The following CCDC69 variants were observed in gnomAD, a reference collection of about 807,000 sequenced individuals.
The protein encoded by CCDC69 is coiled-coil domain-containing protein 69.
In CCDC69, 38 loss-of-function variants were observed where a neutral mutation model predicts 40.3. The observed-to-expected ratio is 0.94, with a 90% CI of 0.73 to 1.24. CCDC69 has a LOEUF of 1.24. Ranked by LOEUF, CCDC69 falls within the 50% of genes most tolerant of loss-of-function variation. The pLI is 0.00. For missense variants in CCDC69, 389 were observed against 357.9 expected (o/e 1.09, Z -0.70); for synonymous variants, 141 against 138.9 (o/e 1.02, Z -0.11).
intron 6 of CCDC69, 75 bp from the exon 7 acceptor site, chr5:151,185,616 T>A (rs1752496594): frequency 6.6e-7 from 1 of 1,515,322 alleles, no homozygotes; most frequent in South Asian, 1.2e-5. Flanking sequence ...CAACTCATTG[T>A]TGGACTTTCA....
intron 2 of CCDC69, among the ~76,000 whole-genome samples, chr5:151,205,004 C>G (rs1752833146): frequency 7.1e-6 from 1 of 141,028 alleles, no homozygotes; most frequent in African/African-American, 2.6e-5. Flanking sequence ...AACTCTTGCT[C>G]CCATCCCTCC....
chr5:151,184,693 GAAGA>G (rs1243637896), intron 7 of CCDC69: 11 of 395,874 alleles, frequency 2.8e-5, no homozygotes. Flanking sequence ...TGAGTTCATG[GAAGA>G]AAGAATATGT....
intron 4 of CCDC69, among the ~76,000 whole-genome samples, chr5:151,193,972 A>C (rs1257844377): frequency 6.6e-6 from 1 of 152,240 alleles, no homozygotes; most frequent in Admixed American, 6.5e-5. Context: ...GCAAATAAGC[A>C]CATGAGTTGT....
At position 151,201,511 on chromosome 5, in the gene CCDC69, G is replaced by C. The variant is rs1364033731; in HGVS notation, c.231+71C>G. 7.3e-6 allele frequency: 7 copies of C among 961,412 alleles called. No homozygotes were observed. The South Asian group carries it at 1.0e-4, about 14-fold the overall frequency. 59.6% of individuals were successfully genotyped at this position (961,412 alleles called of 1,614,324 possible). On this transcript the variant is annotated intron_variant, in intron 3 of 8. Coordinates refer to ENST00000355417, the MANE Select transcript of CCDC69 (RefSeq NM_015621.3). The stretch of plus-strand genomic sequence containing the variant: ...CAACAGCAACAAAAACCTAAGGTAG[G>C]CACTCACTCTGGGATTCACCAAAGT...
In CCDC69 at chr5:151,211,518, CT is replaced by C. The variant is rs774546814; in HGVS notation, c.49-6044del. ...TATGTGTGCTGGGAATTTGCATCTGCTTTTTTTTTTTTTTTTTTTTTTGAGA... is the reference window on the plus strand; with the variant it reads ...TATGTGTGCTGGGAATTTGCATCTGCTTTTTTTTTTTTTTTTTTTTTGAGA... On this transcript the variant is annotated intron_variant, in intron 1 of 8. Coordinates refer to ENST00000355417, the MANE Select transcript of CCDC69 (RefSeq NM_015621.3). Among the ~76,000 whole-genome samples the C allele has an allele frequency of 9.6e-3, 1,041 of 108,708 alleles. 2 individuals carry two copies. Among genetic ancestry groups the C allele is most frequent in the Non-Finnish European group, 0.014 (772 of 55,386 alleles). The allele number at this position is 108,708 out of a possible 152,430, so 71.3% of individuals were successfully genotyped here. A position where few individuals can be genotyped will look rare whatever the true frequency, so the allele number is the denominator to read the frequency against.
At chr5:151,189,182 G>A (rs923708675) in intron 4 of CCDC69, among the ~76,000 whole-genome samples, 7 of 152,166 alleles carry the variant, frequency 4.6e-5, no homozygotes, top group African/African-American at 1.4e-4. Flanking sequence ...AGAAGTATGG[G>A]TGTTCTGTCA....
At position 151,184,583 on chromosome 5, in the gene CCDC69, T is replaced by A. The variant is rs1255228123; in HGVS notation, c.616-142A>T. The A allele has an allele frequency of 5.4e-6, 3 of 556,568 alleles. No homozygotes were observed. In the African/African-American group the frequency reaches 5.7e-5, roughly 10 times the overall value. 34.5% of individuals were successfully genotyped at this position (556,568 alleles called of 1,614,324 possible). On this transcript the variant is annotated intron_variant, in intron 7 of 8. Coordinates refer to ENST00000355417, the MANE Select transcript of CCDC69 (RefSeq NM_015621.3). Reference sequence around the variant, plus strand: ...ACATTTCATGGAGCAATAAGGTAACTTAGAAAAAAGTAAAACTAAAAAGTT... The same window carrying A: ...ACATTTCATGGAGCAATAAGGTAACATAGAAAAAAGTAAAACTAAAAAGTT...
Position 151,182,971 on chromosome 5 carries a change from C to G in CCDC69, c.*466G>C, listed in dbSNP as rs1432826558. The G allele has an allele frequency of 2.2e-6, 1 of 451,474 alleles. No homozygotes were observed. Among genetic ancestry groups the G allele is most frequent in the African/African-American group, 2.0e-5 (1 of 49,998 alleles). The allele number at this position is 451,474 out of a possible 1,614,324, so 28.0% of individuals were successfully genotyped here. On this transcript the variant is annotated 3_prime_UTR_variant, in exon 9 of 9. Transcript: ENST00000355417. ...ACATAAGAGTCCTTTGACCAGTCCC[C>G]CCACCATTTTAATGCAGGGGTAAAC... is the stretch of plus-strand genomic sequence containing the variant.
At chr5:151,201,772 A>G (rs1038548063) in intron 2 of CCDC69, 84 bp from the exon 3 acceptor site, 6 of 830,964 alleles carry the variant, frequency 7.2e-6, no homozygotes, top group Admixed American at 2.4e-5. Flanking sequence ...GAGTGTGGGA[A>G]ATGGGGCTAA....
At chr5:151,198,492 G>A (rs1257318403) in intron 4 of CCDC69, among the ~76,000 whole-genome samples, 2 of 152,194 alleles carry the variant, frequency 1.3e-5, no homozygotes, top group African/African-American at 4.8e-5. Context: ...CAGGAATACA[G>A]GCGTGAGCCA....
chr5:151,215,909 T>C (rs1473216826), intron 1 of CCDC69, among the ~76,000 whole-genome samples: 5 of 152,212 alleles, frequency 3.3e-5, no homozygotes, highest in African/African-American at 4.8e-5. Context: ...ATTCATATGT[T>C]TAAGAGAGTG....
At chr5:151,194,232 C>A (rs1377005815) in intron 4 of CCDC69, among the ~76,000 whole-genome samples, 3 of 152,182 alleles carry the variant, frequency 2.0e-5, no homozygotes, top group African/African-American at 7.2e-5. Flanking sequence ...AAACCTATGT[C>A]CACACAAAGC....
Position 151,207,676 on chromosome 5 carries a change from A to G in CCDC69, c.49-2201T>C, listed in dbSNP as rs1370008782. 2.0e-5 allele frequency among the ~76,000 whole-genome samples: 3 copies of G among 152,214 alleles called. No individual in the cohort carries two copies. The East Asian group carries it at 5.8e-4, about 29-fold the overall frequency. ...ATATAGTAAGGAAAAGCTTAAGAAC[A>G]GTCTTCCAGGAAAGGAGAACTGACG... is the stretch of plus-strand genomic sequence containing the variant. On this transcript the variant is annotated intron_variant, in intron 1 of 8. Coordinates refer to ENST00000355417, the MANE Select transcript of CCDC69 (RefSeq NM_015621.3).
intron 2 of CCDC69, among the ~76,000 whole-genome samples, chr5:151,202,173 T>C (rs1015918411): frequency 7.8e-6 from 1 of 128,538 alleles, no homozygotes; most frequent in Admixed American, 8.8e-5. Context: ...CTAGGAAACA[T>C]AGTGAGACCC....
intron 1 of CCDC69, chr5:151,215,720 C>T: frequency 3.1e-6 from 1 of 323,706 alleles, no homozygotes; most frequent in Admixed American, 3.2e-5. Flanking sequence ...TCAGCCATCT[C>T]CCAAGTTGCA....
intron 4 of CCDC69, 22 bp from the exon 5 acceptor site, chr5:151,187,481 A>G: frequency 1.3e-6 from 2 of 1,598,814 alleles, no homozygotes; most frequent in South Asian, 1.1e-5. Flanking sequence ...GGAGAACTCC[A>G]TAAGCTCAAG....
At chr5:151,188,228 A>T (rs1353983505) in intron 4 of CCDC69, among the ~76,000 whole-genome samples, 1 of 152,224 alleles carries the variant, frequency 6.6e-6, no homozygotes, top group African/African-American at 2.4e-5. Context: ...ACTGACAATC[A>T]ACGGGCAGAA....
In CCDC69 at chr5:151,186,127, G is replaced by A; in HGVS notation, c.394-3C>T. The stretch of plus-strand genomic sequence containing the variant: ...GAGGTCAGTCTGTCTATGGTCTCCT[G>A]GAGCAGGGAGTGGGATGGAGACAAT... On this transcript the variant is annotated splice_polypyrimidine_tract_variant and splice_region_variant and intron_variant, in intron 5 of 8. Transcript: ENST00000355417. 3 of 1,601,596 alleles carry A rather than the reference G, an allele frequency of 1.9e-6. No homozygotes were observed. Among genetic ancestry groups the A allele is most frequent in the Non-Finnish European group, 2.6e-6 (3 of 1,168,604 alleles).
chr5:151,187,363 T>A (rs933644296), intron 5 of CCDC69, 23 bp downstream of exon 5: 1 of 1,610,114 alleles, frequency 6.2e-7, no homozygotes, highest in Non-Finnish European at 8.5e-7. Flanking sequence ...TATCCAAGAC[T>A]GACACGACCC....
Sources: allele counts gnomAD v4.1 joint callset (sites outside exome capture counted in the v4.1 genomes callset), GRCh38; gene constraint gnomAD v4.1.1; transcripts MANE v1.5; gene names NCBI Gene and HGNC (gene_info 2026-07-23, HGNC 2026-07-21).